Variants in BTNL9 observed in about 807,000 individuals in gnomAD.
BTNL9 encodes butyrophilin-like protein 9.
In BTNL9, 45 loss-of-function variants were observed where a neutral mutation model predicts 45.8. The ratio of observed to expected loss-of-function variants is 0.98; its 90% confidence interval spans 0.77 to 1.26. The LOEUF is 1.26. BTNL9 is among the 50% of genes most tolerant of loss of function. BTNL9 has a pLI of 0.00. For synonymous variants in BTNL9, 346 were observed against 330.8 expected, an observed-to-expected ratio of 1.05 and a Z score of -0.50; for missense variants, 784 against 729.7, an observed-to-expected ratio of 1.07 and a Z score of -0.86.
At chr5:181,040,910 G>T (rs893587615) in intron 1 of BTNL9, among the ~76,000 whole-genome samples, 6 of 152,196 alleles carry the variant, frequency 3.9e-5, no homozygotes, top group Non-Finnish European at 7.3e-5. Flanking sequence ...CAGGAGACAG[G>T]CAAAATTCAC....
Position 181,048,857 on chromosome 5 carries a change from ATATAAT to A in BTNL9, c.454+591_454+596del, listed in dbSNP as rs1761371359. Among the ~76,000 whole-genome samples the A allele has an allele frequency of 4.1e-5, 4 of 97,822 alleles. No individual in the cohort carries two copies. In the Admixed American group the frequency reaches 4.2e-4, roughly 10 times the overall value. 64.2% of individuals were successfully genotyped at this position (97,822 alleles called of 152,430 possible). ...ATAATTATATTAGTTATATAATATTATATAATTATATTAGTTATATAATATATCATA... is the reference window on the plus strand; with the variant it reads ...ATAATTATATTAGTTATATAATATTATATATTAGTTATATAATATATCATA... On this transcript the variant is annotated intron_variant, in intron 3 of 10. Coordinates refer to ENST00000327705, the MANE Select transcript of BTNL9 (RefSeq NM_152547.5).
At position 181,059,419 on chromosome 5, in the gene BTNL9, C is replaced by T; in HGVS notation, c.1165C>T (p.His389Tyr). ...CGCCGGCCGCCACTACTGGGAGGTG[C>T]ACGTGGGCCGCCGCAGCCGCTGGTT... ...FSAGRHYWEV[H>Y]VGRRSRWFLG... Residue 389 changes from histidine (H) to tyrosine (Y), a missense_variant, in exon 11 of 11, where the codon CAC becomes TAC. By Grantham distance (83) the His-to-Tyr change is moderately conservative (BLOSUM62 2). Coordinates refer to ENST00000327705, the MANE Select transcript of BTNL9 (RefSeq NM_152547.5). The T allele has an allele frequency of 2.7e-6, 4 of 1,484,598 alleles. No individual in the cohort carries two copies. Among genetic ancestry groups the T allele is most frequent in the Non-Finnish European group, 3.6e-6 (4 of 1,121,746 alleles). 92.0% of individuals were successfully genotyped at this position (1,484,598 alleles called of 1,614,324 possible). A position where few individuals can be genotyped will look rare whatever the true frequency, so the allele number is the denominator to read the frequency against.
chr5:181,053,933 A>G lies in BTNL9; in HGVS notation c.887-306A>G, dbSNP rs1246485299. On this transcript the variant is annotated intron_variant, in intron 6 of 10. Coordinates refer to ENST00000327705, the MANE Select transcript of BTNL9 (RefSeq NM_152547.5). This position sits in a 1 kb window ranked among gnomAD's most constrained non-coding sequence, Gnocchi z 6.5. The stretch of plus-strand genomic sequence containing the variant: ...AGAAAACAGCCCAGTTACGTGAGGC[A>G]GTGTCCGGGGCTTAACGTTTCCGCC... 1 of 1,516,014 alleles carries G rather than the reference A, an allele frequency of 6.6e-7. No individual in the cohort carries two copies. Among genetic ancestry groups the G allele is most frequent in the Non-Finnish European group, 8.8e-7 (1 of 1,134,538 alleles). The allele number at this position is 1,516,014 out of a possible 1,614,324, so 93.9% of individuals were successfully genotyped here.
Position 181,059,617 on chromosome 5 carries a change from T to C in BTNL9, c.1363T>C (p.Tyr455His), listed in dbSNP as rs1228333198. 2 of 1,613,490 alleles carry C rather than the reference T, an allele frequency of 1.2e-6. No individual in the cohort carries two copies. The highest frequency in any genetic ancestry group is 3.3e-5 in the Admixed American group (2 of 60,030). ...GCGGCGCCTGGGCGTCTTCCTGGAC[T>C]ACGAGGCCGGAGAGCTGTCCTTCTT... ...PPRRLGVFLDYEAGELSFFNV... is the reference protein window; with the variant it reads ...PPRRLGVFLDHEAGELSFFNV... Residue 455 changes from tyrosine to histidine, a missense_variant, in exon 11 of 11, where the codon TAC becomes CAC. Physicochemically the swap from Tyr to His is moderately conservative, Grantham distance 83 (BLOSUM62 2). Coordinates refer to ENST00000327705, the MANE Select transcript of BTNL9 (RefSeq NM_152547.5).
At chr5:181,041,724 C>T (rs1392726872) in intron 1 of BTNL9, among the ~76,000 whole-genome samples, 1 of 152,130 alleles carries the variant, frequency 6.6e-6, no homozygotes, top group Non-Finnish European at 1.5e-5. Context: ...TATGGTTTTC[C>T]TGTAATAAGA....
chr5:181,045,700 C>T (rs954582321), intron 2 of BTNL9, 102 bp downstream of exon 2: 24 of 909,056 alleles, frequency 2.6e-5, no homozygotes, highest in East Asian at 5.1e-5. Context: ...GCGTGCCAGA[C>T]GCTAAAATAC....
At chr5:181,058,244 G>A in intron 9 of BTNL9, 108 bp from the exon 10 acceptor site, 1 of 1,270,570 alleles carries the variant, frequency 7.9e-7, no homozygotes, top group East Asian at 2.3e-5. Flanking sequence ...GTGGGAATGG[G>A]GTCATTCGAT....
At position 181,059,373 on chromosome 5, in the gene BTNL9, G is replaced by A; in HGVS notation, c.1119G>A (p.Ala373=). ...AGCGGTTCTCGGAGCAGACGTGCGC[G>A]CTGAGCCTGGAGCGGTTCTCCGCCG... The part of the protein sequence containing the change: ...HPQRFSEQTC[A]LSLERFSAGR... Residue 373 remains alanine (A), a synonymous_variant, in exon 11 of 11, where the codon GCG becomes GCA. Coordinates refer to ENST00000327705, the MANE Select transcript of BTNL9 (RefSeq NM_152547.5). 6.5e-7 allele frequency: 1 copy of A among 1,537,062 alleles called. No individual in the cohort carries two copies. Among genetic ancestry groups the A allele is most frequent in the Non-Finnish European group, 8.7e-7 (1 of 1,144,084 alleles).
In BTNL9 at chr5:181,059,397, CG is replaced by C. The variant is rs879845262; in HGVS notation, c.1145del (p.Gly382AlafsTer32). ...CALSLERFSA[G>X]RHYWEVHVGR... ...CGCTGAGCCTGGAGCGGTTCTCCGC[CG>C]GCCGCCACTACTGGGAGGTGCACGT... On this transcript the variant is annotated frameshift_variant, in exon 11 of 11. Transcript: ENST00000327705. LOFTEE classifies it low-confidence loss of function (END_TRUNC). The C allele has an allele frequency of 7.2e-6, 11 of 1,522,434 alleles. No individual in the cohort carries two copies. Among genetic ancestry groups the C allele is most frequent in the African/African-American group, 1.4e-5 (1 of 70,124 alleles). 94.3% of individuals were successfully genotyped at this position (1,522,434 alleles called of 1,614,324 possible).
At chr5:181,045,742 C>T (rs1041223254) in intron 2 of BTNL9, 144 bp downstream of exon 2, 19 of 668,444 alleles carry the variant, frequency 2.8e-5, no homozygotes, top group Non-Finnish European at 4.4e-5. Flanking sequence ...TGTTAAAGAG[C>T]CACTACCCCG....
At position 181,050,421 on chromosome 5, in the gene BTNL9, A is replaced by G. The variant is rs1311672168; in HGVS notation, c.736+52A>G. ...CTTCCTAGTCCTCATGTGTACATACACATTGGCCCAAAGGCAGTCTATAAA... is the reference window on the plus strand; with the variant it reads ...CTTCCTAGTCCTCATGTGTACATACGCATTGGCCCAAAGGCAGTCTATAAA... On this transcript the variant is annotated intron_variant, in intron 4 of 10. Transcript: ENST00000327705. The surrounding 1 kb of genome is among the most constrained non-coding windows in gnomAD (Gnocchi z 4.9). The G allele has an allele frequency of 3.8e-6, 6 of 1,583,078 alleles. No homozygotes were observed. The highest frequency in any genetic ancestry group is 1.7e-5 in the Admixed American group (1 of 58,616).
chr5:181,046,623 T>C (rs150171122), intron 2 of BTNL9, among the ~76,000 whole-genome samples: 10 of 151,808 alleles, frequency 6.6e-5, no homozygotes, highest in African/African-American at 2.4e-4. Flanking sequence ...GGGAGGGGTG[T>C]GGATGTGGCA....
chr5:181,053,653 G>T lies in BTNL9; in HGVS notation c.886+152G>T, dbSNP rs972132601. 3.9e-6 allele frequency: 6 copies of T among 1,535,918 alleles called. No homozygotes were observed. The East Asian group carries it at 1.2e-4, about 31-fold the overall frequency. ...GGGGATCGGTGACCCCGGTGGGGAA[G>T]GGGGAAGATCGTTCATATGGACAAA... On this transcript the variant is annotated intron_variant, in intron 6 of 10. Transcript: ENST00000327705. This position sits in a 1 kb window ranked among gnomAD's most constrained non-coding sequence, Gnocchi z 6.5.
chr5:181,056,064 A>C (rs1241651210), intron 9 of BTNL9, 49 bp downstream of exon 9: 10 of 1,603,614 alleles, frequency 6.2e-6, no homozygotes, highest in Non-Finnish European at 8.5e-6. Context: ...ATATCTGAGC[A>C]CCCCAGTCCA....
At chr5:181,056,628 G>A (rs1370937173) in intron 9 of BTNL9, 1 of 717,380 alleles carries the variant, frequency 1.4e-6, no homozygotes, top group Non-Finnish European at 2.6e-6. Context: ...TCTCAAACGT[G>A]TTGCCTTACG....
chr5:181,046,380 A>G (rs1032294229), intron 2 of BTNL9, among the ~76,000 whole-genome samples: 1 of 152,140 alleles, frequency 6.6e-6, no homozygotes, highest in African/African-American at 2.4e-5. Flanking sequence ...ATCCACAGGC[A>G]TAGCAGGGAG....
At chr5:181,056,163 C>A in intron 9 of BTNL9, 148 bp downstream of exon 9, 1 of 939,714 alleles carries the variant, frequency 1.1e-6, no homozygotes, top group South Asian at 1.4e-5. Flanking sequence ...GGGTAGAGGT[C>A]ATACTCTGTC....
At chr5:181,046,671 AAGAGAGAGAGCGAGAG>A (rs1357963606) in intron 2 of BTNL9, among the ~76,000 whole-genome samples, 7 of 151,186 alleles carry the variant, frequency 4.6e-5, no homozygotes, top group Admixed American at 1.3e-4. Context: ...GGCTGAGAGA[AAGAGAGAGAGCGAGAG>A]AGAGAGAGAG....
At position 181,047,997 on chromosome 5, in the gene BTNL9, C is replaced by T. The variant is rs551421171; in HGVS notation, c.180C>T (p.His60=). 4.3e-6 allele frequency: 7 copies of T among 1,613,828 alleles called. No individual in the cohort carries two copies. The East Asian group carries it at 1.3e-4, about 31-fold the overall frequency. ...LVGEEVEFPC[H]LWPQLDAQQM... The stretch of plus-strand genomic sequence containing the variant: ...GGGAGGAGGTGGAGTTCCCGTGCCA[C>T]CTATGGCCACAGCTGGATGCCCAGC... Residue 60 remains histidine, a synonymous_variant, in exon 3 of 11, where the codon CAC becomes CAT. Transcript: ENST00000327705.
Sources: allele counts gnomAD v4.1 joint callset (sites outside exome capture counted in the v4.1 genomes callset), GRCh38; gene constraint gnomAD v4.1.1; non-coding constraint Gnocchi (gnomAD v3.1); transcripts MANE v1.5; gene names NCBI Gene and HGNC (gene_info 2026-07-23, HGNC 2026-07-21).